DYRK1B: variants seen among roughly 807,000 people sequenced by gnomAD.
The protein encoded by DYRK1B is dual specificity tyrosine-phosphorylation-regulated kinase 1B.
In DYRK1B, 20 loss-of-function variants were observed where a neutral mutation model predicts 57.1. The ratio of observed to expected loss-of-function variants is 0.35; its 90% CI spans 0.25 to 0.51. The LOEUF (loss-of-function observed/expected upper bound fraction) is 0.51, where lower values mean the gene tolerates loss of function less well. DYRK1B is among the 20% of genes least tolerant of loss of function. The pLI is 0.96. For missense variants in DYRK1B, 732 were observed against 886.3 expected (o/e 0.83, Z 2.21); for synonymous variants, 409 against 384.7 (o/e 1.06, Z -0.74).
At chr19:39,833,798 C>T (rs953722657) in intron 1 of DYRK1B, among the ~76,000 whole-genome samples, 3 of 152,188 alleles carry the variant, frequency 2.0e-5, no homozygotes, top group Non-Finnish European at 2.9e-5. Flanking sequence ...GGGAGTGGGG[C>T]CCGGCTACCC....
rs372282149 is a variant in DYRK1B at position 39,831,847 on chromosome 19, A to G, written c.21T>C (p.His7=). The change falls in exon 2 of 11, where the codon CAT becomes CAC. Residue 7 remains histidine (H), a synonymous_variant. Transcript: ENST00000323039. ...GCCCTGGGAAGCCAGAGAAGGGACC[A>G]TGGCCCGGTGGGACGGCCATGGTGG... MAVPPG[H]GPFSGFPGPQ... 6 of 1,533,078 alleles carry G rather than the reference A, an allele frequency of 3.9e-6. No homozygotes were observed. Among genetic ancestry groups the G allele is most frequent in the Non-Finnish European group, 5.3e-6 (6 of 1,137,620 alleles). 95.0% of individuals were successfully genotyped at this position (1,533,078 alleles called of 1,614,324 possible). A position where few individuals can be genotyped will look rare whatever the true frequency, so the allele number is the denominator to read the frequency against.
intron 6 of DYRK1B, 143 bp from the exon 7 acceptor site, chr19:39,827,799 C>CA: frequency 9.3e-7 from 1 of 1,080,444 alleles, no homozygotes; most frequent in Non-Finnish European, 1.3e-6. Context: ...TTATCAGCAC[C>CA]AATTTTCTGG....
At chr19:39,831,588 G>A (rs747034751) in intron 2 of DYRK1B, among the ~76,000 whole-genome samples, 1 of 152,194 alleles carries the variant, frequency 6.6e-6, no homozygotes, top group African/African-American at 2.4e-5. Context: ...CAAGTATGGA[G>A]AACCTAAGGA....
chr19:39,827,219 G>A (rs1208189151), intron 8 of DYRK1B, 66 bp downstream of exon 8: 6 of 1,532,062 alleles, frequency 3.9e-6, no homozygotes, highest in African/African-American at 1.4e-5. Context: ...GGAGCAGGGG[G>A]AGAGAGCCCC....
chr19:39,829,911 G>T lies in DYRK1B; in HGVS notation c.489C>A (p.Asn163Lys), dbSNP rs773812626. The change falls in exon 5 of 11, where the codon AAC (asparagine) becomes AAA (lysine). Residue 163 changes from asparagine (N) to lysine (K), a missense_variant. Coordinates refer to ENST00000323039, the MANE Select transcript of DYRK1B (RefSeq NM_004714.3). ...AGTACTTCATCTCCGTGTCATGCTG[G>T]TTCATCAGCTCCAGCAGCCGCAGCT... Reference protein sequence around the residue: ...QIELRLLELMNQHDTEMKYYI... With the variant: ...QIELRLLELMKQHDTEMKYYI... 12 of 1,613,976 alleles carry T rather than the reference G, an allele frequency of 7.4e-6. No individual in the cohort carries two copies. Among genetic ancestry groups the T allele is most frequent in the Non-Finnish European group, 1.0e-5 (12 of 1,180,036 alleles).
intron 1 of DYRK1B, chr19:39,832,915 C>A (rs751732005): frequency 2.0e-6 from 2 of 985,064 alleles, no homozygotes; most frequent in Middle Eastern, 5.2e-4. Context: ...TTCTCCCCTA[C>A]ACTGCTTCCT....
intron 6 of DYRK1B, among the ~76,000 whole-genome samples, chr19:39,827,895 G>A (rs758098936): frequency 6.6e-5 from 10 of 151,980 alleles, no homozygotes; most frequent in Admixed American, 1.3e-4. Flanking sequence ...CCGGATCCTG[G>A]GCCCTTCTGG....
Position 39,833,531 on chromosome 19 carries a change from CG to C in DYRK1B, c.-102+491del, listed in dbSNP as rs576983873. 1,268 of 182,982 alleles carry C rather than the reference CG, an allele frequency of 6.9e-3. 26 individuals are homozygous for C. Among genetic ancestry groups the C allele is most frequent in the African/African-American group, 0.029 (1,228 of 42,084 alleles). 11.3% of individuals were successfully genotyped at this position (182,982 alleles called of 1,614,324 possible). On this transcript the variant is annotated intron_variant, in intron 1 of 10. Transcript: ENST00000323039. The stretch of plus-strand genomic sequence containing the variant: ...GCGGGGGAAGAGTAGAGCAGGTGGA[CG>C]GGGGAGGGGCGACACGCCCCACCCT...
chr19:39,830,815 G>C, intron 2 of DYRK1B, 32 bp from the exon 3 acceptor site: 1 of 1,588,254 alleles, frequency 6.3e-7, no homozygotes, highest in Middle Eastern at 1.8e-4. Context: ...GGGCACTGAG[G>C]ACGTGCCTTC....
rs1021673160 is a variant in DYRK1B, at chr19:39,828,163, C to G, written c.807+134G>C. On this transcript the variant is annotated intron_variant, in intron 6 of 10. Coordinates refer to ENST00000323039, the MANE Select transcript of DYRK1B (RefSeq NM_004714.3). This position sits in a 1 kb window ranked among gnomAD's most constrained non-coding sequence, Gnocchi z 4.3. ...CTAGTGGGCAGTATATTCACACCCC[C>G]ACCCCAAGCATTATCCCTCAGTTCC... 5.9e-6 allele frequency: 6 copies of G among 1,020,546 alleles called. No homozygotes were observed. The African/African-American group carries it at 8.0e-5, about 14-fold the overall frequency. 63.2% of individuals were successfully genotyped at this position (1,020,546 alleles called of 1,614,324 possible). A position where few individuals can be genotyped will look rare whatever the true frequency, so the allele number is the denominator to read the frequency against.
At chr19:39,832,830 T>A (rs907895346) in intron 1 of DYRK1B, 3 of 834,998 alleles carry the variant, frequency 3.6e-6, no homozygotes, top group Non-Finnish European at 4.3e-6. Context: ...CAATATCCCA[T>A]CCCAATCAAG....
Position 39,827,005 on chromosome 19 carries a change from G to GTT in DYRK1B, c.1096-19_1096-18insAA. ...TGGTAATCCTGGCAGGGAGGGGGTG[G>GTT]GAGGGGGGGCAAGAGAGTGGCCGTC... On this transcript the variant is annotated intron_variant, in intron 8 of 10. Transcript: ENST00000323039. 7.1e-7 allele frequency: 1 copy of GTT among 1,401,118 alleles called. No homozygotes were observed. The highest frequency in any genetic ancestry group is 9.3e-7 in the Non-Finnish European group (1 of 1,073,640). 86.8% of individuals were successfully genotyped at this position (1,401,118 alleles called of 1,614,324 possible).
Position 39,825,663 on chromosome 19 carries a change from C to A in DYRK1B, c.*52G>T. The A allele has an allele frequency of 6.6e-7, 1 of 1,521,482 alleles. No homozygotes were observed. The highest frequency in any genetic ancestry group is 8.8e-7 in the Non-Finnish European group (1 of 1,131,808). 94.2% of individuals were successfully genotyped at this position (1,521,482 alleles called of 1,614,324 possible). On this transcript the variant is annotated 3_prime_UTR_variant, in exon 11 of 11. Transcript: ENST00000323039. ...GAGATGAGGATGGGAGCCCAGGGCCCCCAGATGGGGGAGGGTATGGCTTCA... is the reference window on the plus strand; with the variant it reads ...GAGATGAGGATGGGAGCCCAGGGCCACCAGATGGGGGAGGGTATGGCTTCA...
rs748256087 is a variant in DYRK1B at position 39,828,389 on chromosome 19, C to G, written c.715G>C (p.Asp239His). ...AGCAAGATGTTTTCGGGCTTGAGGTCGCAGTGAATGATGCTGAGCTCAGGC... is the reference window on the plus strand; with the variant it reads ...AGCAAGATGTTTTCGGGCTTGAGGTGGCAGTGAATGATGCTGAGCTCAGGC... ...ATPELSIIHC[D>H]LKPENILLCN... The change falls in exon 6 of 11, where the codon GAC becomes CAC. Residue 239 changes from aspartate to histidine, a missense_variant. Transcript: ENST00000323039. This position sits in a 1 kb window ranked among gnomAD's most constrained non-coding sequence, Gnocchi z 4.3. The G allele has an allele frequency of 6.2e-7, 1 of 1,614,074 alleles. No individual in the cohort carries two copies. Among genetic ancestry groups the G allele is most frequent in the Non-Finnish European group, 8.5e-7 (1 of 1,180,014 alleles).
chr19:39,831,260 T>C (rs536624890), intron 2 of DYRK1B, among the ~76,000 whole-genome samples: 6 of 152,302 alleles, frequency 3.9e-5, no homozygotes, highest in Admixed American at 1.3e-4. Context: ...ATCTGGCCCC[T>C]GGACCTCCCA....
chr19:39,832,784 C>T (rs1968880057), intron 1 of DYRK1B, among the ~76,000 whole-genome samples: 1 of 152,084 alleles, frequency 6.6e-6, no homozygotes, highest in South Asian at 2.1e-4. Flanking sequence ...TATCCCAATT[C>T]CCCCTACCAC....
At chr19:39,831,029 C>CT (rs1402063217) in intron 2 of DYRK1B, among the ~76,000 whole-genome samples, 1 of 152,224 alleles carries the variant, frequency 6.6e-6, no homozygotes, top group Non-Finnish European at 1.5e-5. Context: ...TGAGTGAACT[C>CT]TGACCTTTCA....
At chr19:39,827,014 G>GGGGGGGGGGGGGGGGC in intron 8 of DYRK1B, 27 bp from the exon 9 acceptor site, 8 of 419,600 alleles carry the variant, frequency 1.9e-5, no homozygotes, top group Non-Finnish European at 2.6e-5. Flanking sequence ...GGGAGGGGGG[G>GGGGGGGGGGGGGGGGC]CAAGAGAGTG....
chr19:39,831,427 TTAG>T (rs2145033421), intron 2 of DYRK1B, among the ~76,000 whole-genome samples: 1 of 99,674 alleles, frequency 1.0e-5, no homozygotes, highest in African/African-American at 5.0e-5. Context: ...TGAACTTTTC[TTAG>T]TAGCATTTAT....
Sources: allele counts gnomAD v4.1 joint callset (sites outside exome capture counted in the v4.1 genomes callset), GRCh38; gene constraint gnomAD v4.1.1; non-coding constraint Gnocchi (gnomAD v3.1); transcripts MANE v1.5; gene names NCBI Gene and HGNC (gene_info 2026-07-23, HGNC 2026-07-21).